The following GALNT17 variants were observed in gnomAD, a reference collection of about 807,000 sequenced individuals.
GALNT17 encodes UDP-GalNAc:polypeptide N-acetylgalactosaminyltransferase-like 3.
Under a neutral mutation model 63.7 loss-of-function variants are expected in GALNT17, and 29 were observed. The ratio of observed to expected loss-of-function variants is 0.46; its 90% CI spans 0.34 to 0.62. GALNT17 has a LOEUF of 0.62. Among genes scored for constraint, GALNT17 ranks in the 20% least tolerant of loss-of-function variants. GALNT17 has a pLI of 0.01. For missense variants in GALNT17, 603 were observed against 799.6 expected (o/e 0.75, Z 2.97); for synonymous variants, 305 against 318.3 (o/e 0.96, Z 0.45).
intron 10 of GALNT17, 46 bp downstream of exon 10, chr7:71,710,974 G>C: frequency 6.3e-7 from 1 of 1,597,790 alleles, no homozygotes; most frequent in Non-Finnish European, 8.5e-7. Context: ...AGCTGCAAGA[G>C]GCTGCAGACC....
At chr7:71,378,669 T>C (rs79499895) in intron 2 of GALNT17, among the ~76,000 whole-genome samples, 4,323 of 152,128 alleles carry the variant, frequency 0.028, 229 homozygotes, top group African/African-American at 0.099. Flanking sequence ...TGCCAAGCAT[T>C]CTGCCAGGCT....
intron 6 of GALNT17, among the ~76,000 whole-genome samples, chr7:71,609,715 T>C (rs1452321095): frequency 6.6e-6 from 1 of 152,114 alleles, no homozygotes; most frequent in East Asian, 1.9e-4. Flanking sequence ...GTTATTTTAA[T>C]GTATACTATA....
chr7:71,212,581 G>A (rs1423833045), intron 1 of GALNT17, among the ~76,000 whole-genome samples: 2 of 152,142 alleles, frequency 1.3e-5, no homozygotes, highest in Non-Finnish European at 2.9e-5. Context: ...ACCTGGAAGA[G>A]CCACAGACAC....
chr7:71,524,238 T>C (rs1471956709), intron 5 of GALNT17, among the ~76,000 whole-genome samples: 4 of 147,686 alleles, frequency 2.7e-5, no homozygotes, highest in African/African-American at 9.8e-5. Context: ...ATATTATATA[T>C]ATAATAATAA....
chr7:71,154,776 C>CA (rs1373388621), intron 1 of GALNT17, among the ~76,000 whole-genome samples: 2 of 151,538 alleles, frequency 1.3e-5, no homozygotes, highest in Admixed American at 6.6e-5. Flanking sequence ...TGGGGTTTCA[C>CA]TGTCTTAGCC....
chr7:71,597,271 C>A (rs1310099244), intron 6 of GALNT17, among the ~76,000 whole-genome samples: 3 of 152,090 alleles, frequency 2.0e-5, no homozygotes, highest in Non-Finnish European at 4.4e-5. Context: ...GATCTCCTAA[C>A]CTTGTGATCC....
At chr7:71,374,785 G>T (rs140899825) in intron 2 of GALNT17, among the ~76,000 whole-genome samples, 422 of 152,042 alleles carry the variant, frequency 2.8e-3, no homozygotes, top group African/African-American at 8.2e-3. Flanking sequence ...TGGAGGGGCT[G>T]GGGTATAGGA....
At chr7:71,573,333 T>A (rs571266893) in intron 6 of GALNT17, among the ~76,000 whole-genome samples, 654 of 151,082 alleles carry the variant, frequency 4.3e-3, no homozygotes, top group Admixed American at 6.0e-3. Flanking sequence ...TTAATTTATT[T>A]ATTTATTTAT....
intron 3 of GALNT17, among the ~76,000 whole-genome samples, chr7:71,393,220 C>G (rs960332574): frequency 5.3e-5 from 8 of 152,060 alleles, no homozygotes; most frequent in African/African-American, 1.9e-4. Context: ...GAAGCATACT[C>G]TGTTTTTTTT....
intron 5 of GALNT17, among the ~76,000 whole-genome samples, chr7:71,537,225 T>C (rs1788815870): frequency 6.6e-6 from 1 of 152,244 alleles, no homozygotes; most frequent in Non-Finnish European, 1.5e-5. Flanking sequence ...GTTTATGCTA[T>C]AGAGCCAACC....
intron 9 of GALNT17, among the ~76,000 whole-genome samples, chr7:71,705,940 G>A (rs1361290089): frequency 6.6e-6 from 1 of 152,192 alleles, no homozygotes; most frequent in Non-Finnish European, 1.5e-5. Context: ...CATGAGGGAT[G>A]AGGAGTCATG....
chr7:71,219,956 C>T (rs1268879873), intron 1 of GALNT17, among the ~76,000 whole-genome samples: 2 of 152,066 alleles, frequency 1.3e-5, no homozygotes, highest in Admixed American at 6.6e-5. Flanking sequence ...GAATTATGTC[C>T]CTCCAAAATT....
chr7:71,587,309 T>A (rs1452684760), intron 6 of GALNT17, among the ~76,000 whole-genome samples: 3 of 152,202 alleles, frequency 2.0e-5, no homozygotes, highest in Non-Finnish European at 2.9e-5. Context: ...ATAACAGGTG[T>A]GAGCCACCGC....
intron 6 of GALNT17, among the ~76,000 whole-genome samples, chr7:71,610,167 C>A (rs1268728576): frequency 6.6e-6 from 1 of 151,800 alleles, no homozygotes; most frequent in Non-Finnish European, 1.5e-5. Context: ...ATAAAAAGAC[C>A]CCTGATGGAA....
intron 1 of GALNT17, among the ~76,000 whole-genome samples, chr7:71,278,000 A>G (rs2115735624): frequency 6.6e-6 from 1 of 152,286 alleles, no homozygotes; most frequent in East Asian, 1.9e-4. Flanking sequence ...TCTCCTGCTA[A>G]CTTTTTTATT....
chr7:71,361,243 G>T (rs1462887396), intron 2 of GALNT17, among the ~76,000 whole-genome samples: 1 of 152,070 alleles, frequency 6.6e-6, no homozygotes, highest in Non-Finnish European at 1.5e-5. Context: ...AAACACCTGG[G>T]GGGGTGTCAA....
Position 71,340,197 on chromosome 7 carries a change from T to C in GALNT17, c.422+4464T>C, listed in dbSNP as rs1345196019. Reference sequence around the variant, plus strand: ...GAACAGAAGGGATGGTTAGCAGTTATGTCCCCAGATCCTTTCTTCAACTCT... The same window carrying C: ...GAACAGAAGGGATGGTTAGCAGTTACGTCCCCAGATCCTTTCTTCAACTCT... On this transcript the variant is annotated intron_variant, in intron 2 of 10. Transcript: ENST00000333538. Among the ~76,000 whole-genome samples the C allele has an allele frequency of 2.6e-5, 4 of 152,350 alleles. No homozygotes were observed. The South Asian group carries it at 8.3e-4, about 32-fold the overall frequency.
intron 1 of GALNT17, among the ~76,000 whole-genome samples, chr7:71,151,835 G>C (rs1250776836): frequency 6.6e-6 from 1 of 152,066 alleles, no homozygotes; most frequent in Non-Finnish European, 1.5e-5. Flanking sequence ...CTGCTGAAAG[G>C]AACTGGCATT....
chr7:71,527,376 C>T (rs542511880), intron 5 of GALNT17, among the ~76,000 whole-genome samples: 1 of 152,148 alleles, frequency 6.6e-6, no homozygotes, highest in East Asian at 1.9e-4. Flanking sequence ...AATTTTCCCC[C>T]GATTATGTGA....
Sources: allele counts gnomAD v4.1 joint callset (sites outside exome capture counted in the v4.1 genomes callset), GRCh38; gene constraint gnomAD v4.1.1; transcripts MANE v1.5; gene names NCBI Gene and HGNC (gene_info 2026-07-23, HGNC 2026-07-21).